Variants in CRADD observed in about 807,000 individuals in gnomAD.
CRADD encodes the protein death domain-containing protein CRADD.
CRADD carries 9 observed loss-of-function variants against 15.5 expected under a neutral mutation model. The observed-to-expected ratio is 0.58, with a 90% CI of 0.35 to 1.01. The LOEUF (loss-of-function observed/expected upper bound fraction) is 1.01, where lower values mean the gene tolerates loss of function less well. Ranked by LOEUF, CRADD falls within the 50% of genes least tolerant of loss-of-function variation. The pLI is 0.02. For missense variants in CRADD, 227 were observed against 250.3 expected, an observed-to-expected ratio of 0.91 and a Z score of 0.63; for synonymous variants, 118 against 107.6, an observed-to-expected ratio of 1.10 and a Z score of -0.60.
At chr12:93,893,057 T>A (rs567068511) in intron 2 of CRADD, among the ~76,000 whole-genome samples, 1 of 152,322 alleles carries the variant, frequency 6.6e-6, no homozygotes, top group East Asian at 1.9e-4. Context: ...AGCCCTGTCC[T>A]CCAGGACTCG....
chr12:93,865,210 G>A (rs1461095776), intron 2 of CRADD, among the ~76,000 whole-genome samples: 3 of 152,048 alleles, frequency 2.0e-5, no homozygotes, highest in African/African-American at 4.8e-5. Flanking sequence ...AGATAGCCTA[G>A]GGTGATGCCC....
At chr12:93,706,401 T>C (rs1490058532) in intron 2 of CRADD, among the ~76,000 whole-genome samples, 1 of 152,134 alleles carries the variant, frequency 6.6e-6, no homozygotes, top group Non-Finnish European at 1.5e-5. Flanking sequence ...ATATGAAAAA[T>C]TGATGCTCTA....
intron 2 of CRADD, among the ~76,000 whole-genome samples, chr12:93,742,620 C>T (rs1005248305): frequency 2.0e-5 from 3 of 152,198 alleles, no homozygotes; most frequent in Non-Finnish European, 4.4e-5. Context: ...AGCTCCATCT[C>T]CAGGAAACAA....
chr12:93,732,540 T>G (rs1022499068), intron 2 of CRADD, among the ~76,000 whole-genome samples: 1 of 152,202 alleles, frequency 6.6e-6, no homozygotes, highest in Non-Finnish European at 1.5e-5. Flanking sequence ...TTAAAATGGT[T>G]TTTTGACCCT....
chr12:93,725,068 G>A (rs930461490), intron 2 of CRADD, among the ~76,000 whole-genome samples: 2 of 151,972 alleles, frequency 1.3e-5, no homozygotes. Flanking sequence ...CATCGTGTTA[G>A]CCAGGATGGT....
At chr12:93,695,048 A>G (rs564464642) in intron 2 of CRADD, among the ~76,000 whole-genome samples, 25 of 152,348 alleles carry the variant, frequency 1.6e-4, no homozygotes, top group African/African-American at 4.6e-4. Flanking sequence ...GCATCATACT[A>G]CCTTCTCTGA....
chr12:93,880,713 C>G (rs1440964276), intron 2 of CRADD, among the ~76,000 whole-genome samples: 1 of 152,220 alleles, frequency 6.6e-6, no homozygotes, highest in Admixed American at 6.5e-5. Flanking sequence ...TCCCTGATGT[C>G]TGGAGATCAG....
chr12:93,893,934 T>C (rs899789601), intron 2 of CRADD: 1 of 659,320 alleles, frequency 1.5e-6, no homozygotes, highest in Non-Finnish European at 2.7e-6. Context: ...CACTAGATCA[T>C]CTATTCCTAC....
intron 2 of CRADD, among the ~76,000 whole-genome samples, chr12:93,792,786 C>T (rs1957364618): frequency 6.6e-6 from 1 of 152,142 alleles, no homozygotes; most frequent in South Asian, 2.1e-4. Context: ...CATGTAGCTA[C>T]TAAGTAGCAA....
intron 2 of CRADD, among the ~76,000 whole-genome samples, chr12:93,775,754 C>T (rs923821481): frequency 4.6e-5 from 7 of 152,034 alleles, no homozygotes; most frequent in Non-Finnish European, 1.0e-4. Flanking sequence ...TGCCAGGGGT[C>T]GATTATGAAA....
chr12:93,868,390 A>T (rs191854180), intron 2 of CRADD, among the ~76,000 whole-genome samples: 1 of 152,194 alleles, frequency 6.6e-6, no homozygotes, highest in African/African-American at 2.4e-5. Context: ...CCTAATTCAT[A>T]ACCTATAACT....
rs199846727 is a variant in CRADD, at chr12:93,849,987, A to T, written c.316A>T (p.Ile106Phe). 1.1e-4 allele frequency: 170 copies of T among 1,606,076 alleles called. No homozygotes were observed. Among genetic ancestry groups the T allele is most frequent in the Non-Finnish European group, 1.4e-4 (162 of 1,172,822 alleles). The change falls in exon 3 of 3, where the codon ATC becomes TTC. Residue 106 changes from isoleucine (I) to phenylalanine (F), a missense_variant. Coordinates refer to ENST00000332896, the MANE Select transcript of CRADD (RefSeq NM_003805.5). Reference protein sequence around the residue: ...DLPAGDRLTGIPSHILNSSPS... With the variant: ...DLPAGDRLTGFPSHILNSSPS... ...CTCCTCAGGTGACAGATTGACTGGG[A>T]TCCCCTCGCACATCCTCAACAGCTC...
At position 93,850,393 on chromosome 12, in the gene CRADD, G is replaced by A. The variant is rs1958204105; in HGVS notation, c.*122G>A. The A allele has an allele frequency of 2.8e-6, 4 of 1,404,698 alleles. No individual in the cohort carries two copies. The highest frequency in any genetic ancestry group is 2.6e-4 in the Middle Eastern group (1 of 3,820). 87.0% of individuals were successfully genotyped at this position (1,404,698 alleles called of 1,614,324 possible). ...TTTTTATTTTTGATGATCTTCAGAT[G>A]GAAGGAGAAAACAGGGTTTCCACTA... On this transcript the variant is annotated 3_prime_UTR_variant, in exon 3 of 3. Transcript: ENST00000332896. This position sits in a 1 kb window ranked among gnomAD's most constrained non-coding sequence, Gnocchi z 4.0.
At chr12:93,740,448 C>T (rs759323843) in intron 2 of CRADD, among the ~76,000 whole-genome samples, 3 of 151,828 alleles carry the variant, frequency 2.0e-5, no homozygotes, top group Non-Finnish European at 4.4e-5. Context: ...GACTTTTTTT[C>T]GAAAACCAAT....
chr12:93,798,519 C>T (rs893878792), intron 2 of CRADD, among the ~76,000 whole-genome samples: 1 of 152,166 alleles, frequency 6.6e-6, no homozygotes, highest in African/African-American at 2.4e-5. Flanking sequence ...CCATTTTAAT[C>T]ATGACCTCTC....
intron 2 of CRADD, among the ~76,000 whole-genome samples, chr12:93,699,339 G>A (rs934907736): frequency 6.6e-6 from 1 of 152,150 alleles, no homozygotes; most frequent in Admixed American, 6.5e-5. Flanking sequence ...AAGAGAAAAA[G>A]AATTAGATAA....
chr12:93,778,791 G>A (rs1565910419), intron 2 of CRADD, among the ~76,000 whole-genome samples: 1 of 147,602 alleles, frequency 6.8e-6, no homozygotes, highest in Admixed American at 6.8e-5. Context: ...GTTATTGCCT[G>A]TATTAGAATT....
At position 93,770,264 on chromosome 12, in the gene CRADD, T is replaced by A. The variant is rs543423331; in HGVS notation, c.299-79706T>A. Among the ~76,000 whole-genome samples, 466 of 151,738 alleles carry A rather than the reference T, an allele frequency of 3.1e-3. 4 individuals carry two copies. The highest frequency in any genetic ancestry group is 0.027 in the Middle Eastern group (8 of 292). On this transcript the variant is annotated intron_variant, in intron 2 of 2. Transcript: ENST00000332896. ...GCGCCCGCCATCACGCCCGGCTAAT[T>A]TTTTTTGTATTTTTAGTAGAGACGG...
chr12:93,715,778 C>T (rs1161072179), intron 2 of CRADD, among the ~76,000 whole-genome samples: 2 of 152,084 alleles, frequency 1.3e-5, no homozygotes, highest in African/African-American at 4.8e-5. Context: ...TTACTAGCCT[C>T]TTAGGAGTTT....
Sources: allele counts gnomAD v4.1 joint callset (sites outside exome capture counted in the v4.1 genomes callset), GRCh38; gene constraint gnomAD v4.1.1; non-coding constraint Gnocchi (gnomAD v3.1); transcripts MANE v1.5; gene names NCBI Gene and HGNC (gene_info 2026-07-23, HGNC 2026-07-21).